RBM27: variants seen among roughly 807,000 people sequenced by gnomAD.
RBM27 encodes RNA-binding protein 27.
RBM27 carries 22 observed loss-of-function variants against 135.3 expected under a neutral mutation model. That is an observed-to-expected ratio of 0.16 (90% CI 0.12 to 0.23). RBM27 has a LOEUF of 0.23. Among genes scored for constraint, RBM27 ranks in the 10% least tolerant of loss-of-function variants. The pLI is 1.00. For missense variants in RBM27, 1,009 were observed against 1,281.0 expected (o/e 0.79, Z 3.24); for synonymous variants, 481 against 442.4 (o/e 1.09, Z -1.10).
intron 1 of RBM27, among the ~76,000 whole-genome samples, chr5:146,210,775 G>A (rs575280626): frequency 3.3e-5 from 5 of 151,788 alleles, no homozygotes; most frequent in East Asian, 1.9e-4. Context: ...GTGAAACCCC[G>A]TTTCTACTAA....
chr5:146,286,577 A>G lies in RBM27; in HGVS notation c.*547A>G, dbSNP rs1046491900. The stretch of plus-strand genomic sequence containing the variant: ...GAGGAGCCCAATTTGTATTCAGTCT[A>G]AATTTGTTTTTCATGGTTTTTATGT... On this transcript the variant is annotated 3_prime_UTR_variant, in exon 21 of 21. Transcript: ENST00000265271. 2.7e-5 allele frequency: 4 copies of G among 150,088 alleles called. No homozygotes were observed. The highest frequency in any genetic ancestry group is 4.4e-5 in the Non-Finnish European group (3 of 67,494). The allele number at this position is 150,088 out of a possible 1,614,324, so 9.3% of individuals were successfully genotyped here. A position where few individuals can be genotyped will look rare whatever the true frequency, so the allele number is the denominator to read the frequency against.
At chr5:146,283,575 G>T (rs914884626) in intron 19 of RBM27, among the ~76,000 whole-genome samples, 5 of 152,046 alleles carry the variant, frequency 3.3e-5, no homozygotes, top group Non-Finnish European at 4.4e-5. Flanking sequence ...ATATTTGGTA[G>T]GGCTATTTTG....
At position 146,279,292 on chromosome 5, in the gene RBM27, A is replaced by G. The variant is rs372398292; in HGVS notation, c.2989-5330A>G. ...GTGAAACCCCATCTCTACTAAGAAT[A>G]CAGAAAATTAGCCGGGCATGGTGGC... On this transcript the variant is annotated intron_variant, in intron 19 of 20. Transcript: ENST00000265271. Among the ~76,000 whole-genome samples the G allele has an allele frequency of 3.9e-4, 59 of 151,456 alleles. 1 individual carries two copies. In the South Asian group the frequency reaches 0.012, roughly 31 times the overall value.
chr5:146,263,444 C>A, intron 13 of RBM27, 47 bp from the exon 14 acceptor site: 1 of 1,553,968 alleles, frequency 6.4e-7, no homozygotes, highest in South Asian at 1.2e-5. Flanking sequence ...CATTTCTAGG[C>A]ATGTTTTTAA....
At chr5:146,204,905 CT>C (rs200622598) in intron 1 of RBM27, among the ~76,000 whole-genome samples, 37 of 148,602 alleles carry the variant, frequency 2.5e-4, no homozygotes, top group Admixed American at 4.0e-4. Flanking sequence ...GTTTTATAAC[CT>C]TTTTTTTTTG....
rs1482161057 is a variant in RBM27, at chr5:146,288,594, T to C, written c.*2564T>C. ...AAGTGAATAACTGCCATACATGTTT[T>C]CTTGGCATCTTCATTTACAGAAATA... On this transcript the variant is annotated 3_prime_UTR_variant, in exon 21 of 21. Transcript: ENST00000265271. 1.3e-5 allele frequency: 2 copies of C among 152,140 alleles called. No individual in the cohort carries two copies. Among genetic ancestry groups the C allele is most frequent in the Non-Finnish European group, 2.9e-5 (2 of 67,964 alleles). The allele number at this position is 152,140 out of a possible 1,614,324, so 9.4% of individuals were successfully genotyped here.
chr5:146,269,254 G>A lies in RBM27; in HGVS notation c.2499G>A (p.Val833=), dbSNP rs1758758075. 6.2e-7 allele frequency: 1 copy of A among 1,609,800 alleles called. No homozygotes were observed. Among genetic ancestry groups the A allele is most frequent in the South Asian group, 1.1e-5 (1 of 90,506 alleles). Residue 833 remains valine, a synonymous_variant, in exon 16 of 21, where the codon GTG becomes GTA. Transcript: ENST00000265271. ...ATATGAGGAAAAAAAGACAGGAAGT[G>A]TTAGAAAAGCAAATAGAATGCCAAA... ...QQDMRKKRQE[V]LEKQIECQKM... is the part of the protein sequence containing the mutation.
At chr5:146,246,890 G>A (rs906151183) in intron 8 of RBM27, among the ~76,000 whole-genome samples, 1 of 147,140 alleles carries the variant, frequency 6.8e-6, no homozygotes, top group Non-Finnish European at 1.5e-5. Flanking sequence ...TTTAGACAAG[G>A]TCTTGCTCTG....
chr5:146,210,290 G>A (rs1755876514), intron 1 of RBM27, among the ~76,000 whole-genome samples: 1 of 152,158 alleles, frequency 6.6e-6, no homozygotes, highest in South Asian at 2.1e-4. Context: ...TTTTGTGCAT[G>A]TATTTAGCTA....
chr5:146,224,595 T>C (rs1756586969), intron 3 of RBM27, among the ~76,000 whole-genome samples: 3 of 151,874 alleles, frequency 2.0e-5, no homozygotes, highest in African/African-American at 7.3e-5. Context: ...GGCAGGAGAA[T>C]CGCTTGAACC....
chr5:146,207,658 CT>C (rs1224104910), intron 1 of RBM27, among the ~76,000 whole-genome samples: 9,687 of 128,860 alleles, frequency 0.075, 695 homozygotes, highest in African/African-American at 0.25. Flanking sequence ...GGAGATATTT[CT>C]TTTTTTTTTT....
intron 1 of RBM27, among the ~76,000 whole-genome samples, chr5:146,212,142 G>A (rs914414702): frequency 7.5e-4 from 106 of 141,058 alleles, no homozygotes; most frequent in Admixed American, 1.3e-3. Flanking sequence ...TGCAGCCTCC[G>A]CCTCCCGGGT....
At chr5:146,252,653 T>C (rs755084160) in intron 9 of RBM27, among the ~76,000 whole-genome samples, 1 of 152,228 alleles carries the variant, frequency 6.6e-6, no homozygotes. Flanking sequence ...TTGTATGTTA[T>C]ATTGCATGTA....
chr5:146,218,143 A>G (rs1756293181), intron 1 of RBM27, among the ~76,000 whole-genome samples: 1 of 144,792 alleles, frequency 6.9e-6, no homozygotes, highest in Non-Finnish European at 1.6e-5. Flanking sequence ...AATATTTTAT[A>G]TATGTGTGTG....
At chr5:146,285,363 C>G (rs1476456165) in intron 20 of RBM27, among the ~76,000 whole-genome samples, 1 of 152,062 alleles carries the variant, frequency 6.6e-6, no homozygotes, top group Non-Finnish European at 1.5e-5. Context: ...ATAGTTTGAT[C>G]AAGTGTCTTC....
rs1758755659 is a variant in RBM27, at chr5:146,269,201, A to T, written c.2452-6A>T. 4 of 1,588,594 alleles carry T rather than the reference A, an allele frequency of 2.5e-6. No homozygotes were observed. The highest frequency in any genetic ancestry group is 1.1e-5 in the South Asian group (1 of 88,494). On this transcript the variant is annotated splice_polypyrimidine_tract_variant and splice_region_variant and intron_variant, in intron 15 of 20. Coordinates refer to ENST00000265271, the MANE Select transcript of RBM27 (RefSeq NM_018989.2). ...ATCTGTATTAATTTCTTTTTTACTTATACAGGAAGCAATGAAGTTACAACA... is the reference window on the plus strand; with the variant it reads ...ATCTGTATTAATTTCTTTTTTACTTTTACAGGAAGCAATGAAGTTACAACA...
At chr5:146,245,801 A>G (rs1757601228) in intron 8 of RBM27, among the ~76,000 whole-genome samples, 1 of 152,310 alleles carries the variant, frequency 6.6e-6, no homozygotes, top group African/African-American at 2.4e-5. Flanking sequence ...ATGAGAATCT[A>G]ATGCCTGATA....
At chr5:146,277,689 A>T (rs1374393412) in intron 19 of RBM27, among the ~76,000 whole-genome samples, 7 of 138,336 alleles carry the variant, frequency 5.1e-5, no homozygotes, top group South Asian at 2.3e-4. Context: ...GGCCCAGCTA[A>T]TTTTTTTTTT....
chr5:146,213,896 G>A (rs549503813), intron 1 of RBM27, among the ~76,000 whole-genome samples: 2 of 152,302 alleles, frequency 1.3e-5, no homozygotes, highest in African/African-American at 2.4e-5. Flanking sequence ...CATAATTGAA[G>A]CATGTTCTTA....
Sources: gnomAD v4.1 joint callset for allele counts (sites outside exome capture counted in the v4.1 genomes callset) on GRCh38, gnomAD v4.1.1 for gene constraint, MANE v1.5 for transcripts, NCBI Gene and HGNC (gene_info 2026-07-23, HGNC 2026-07-21) for gene names.